YPEL2: variants seen among roughly 807,000 people sequenced by gnomAD.
YPEL2 encodes the protein protein yippee-like 2.
Under a neutral mutation model 19.1 loss-of-function variants are expected in YPEL2, and 2 were observed. The observed-to-expected ratio is 0.10, with a 90% CI of 0.04 to 0.33. YPEL2 has a LOEUF of 0.33. Ranked by LOEUF, YPEL2 falls within the 10% of genes least tolerant of loss-of-function variation. The probability of loss-of-function intolerance (pLI) is 1.00; values close to 1 mark genes in which losing one functional copy is unlikely to be tolerated. For missense variants in YPEL2, 66 were observed against 140.7 expected, an observed-to-expected ratio of 0.47 and a Z score of 2.68; for synonymous variants, 52 against 50.0, an observed-to-expected ratio of 1.04 and a Z score of -0.17.
chr17:59,368,514 G>A (rs1022621929), intron 2 of YPEL2, among the ~76,000 whole-genome samples: 1 of 152,240 alleles, frequency 6.6e-6, no homozygotes, highest in African/African-American at 2.4e-5. Context: ...GTAAAGAGCA[G>A]GATGAATGTT....
chr17:59,342,970 A>G (rs142687819), intron 1 of YPEL2, among the ~76,000 whole-genome samples: 85 of 152,326 alleles, frequency 5.6e-4, no homozygotes, highest in African/African-American at 2.0e-3. Context: ...AAGGGAGCAT[A>G]CACAGACTGT....
At chr17:59,333,462 T>C (rs2047682194) in intron 1 of YPEL2, among the ~76,000 whole-genome samples, 1 of 152,224 alleles carries the variant, frequency 6.6e-6, no homozygotes, top group Non-Finnish European at 1.5e-5. Context: ...ATAAACACCA[T>C]GCGCGAGAAA....
chr17:59,344,674 C>T (rs2047747411), intron 1 of YPEL2, among the ~76,000 whole-genome samples: 1 of 152,128 alleles, frequency 6.6e-6, no homozygotes, highest in Admixed American at 6.6e-5. Flanking sequence ...AGGAGAACTG[C>T]TTGAACCTGG....
intron 2 of YPEL2, among the ~76,000 whole-genome samples, chr17:59,384,009 C>T (rs935513640): frequency 2.0e-5 from 3 of 152,068 alleles, no homozygotes; most frequent in Non-Finnish European, 2.9e-5. Context: ...CATAGGCTTT[C>T]GTTTCACTTG....
intron 1 of YPEL2, among the ~76,000 whole-genome samples, chr17:59,346,056 T>C (rs1235977208): frequency 1.3e-5 from 2 of 152,186 alleles, no homozygotes; most frequent in Non-Finnish European, 2.9e-5. Context: ...TGCTCTAGGC[T>C]CAGGATTCTG....
chr17:59,386,835 G>C (rs2047982545), intron 2 of YPEL2, among the ~76,000 whole-genome samples: 1 of 152,188 alleles, frequency 6.6e-6, no homozygotes, highest in Non-Finnish European at 1.5e-5. Flanking sequence ...GAATTGGTTT[G>C]GGTCTGGGCA....
At chr17:59,340,307 CTA>C (rs1192463331) in intron 1 of YPEL2, among the ~76,000 whole-genome samples, 2 of 152,046 alleles carry the variant, frequency 1.3e-5, no homozygotes, top group Non-Finnish European at 2.9e-5. Flanking sequence ...CAGGGTTTCA[CTA>C]CGTTGGCCAG....
chr17:59,394,891 A>G (rs1446853211), intron 4 of YPEL2, among the ~76,000 whole-genome samples: 1 of 152,252 alleles, frequency 6.6e-6, no homozygotes, highest in Non-Finnish European at 1.5e-5. Flanking sequence ...GCTGGAGACC[A>G]GCCCGGCCAA....
Position 59,398,149 on chromosome 17 carries a change from A to G in YPEL2, c.*959A>G, listed in dbSNP as rs1392606175. On this transcript the variant is annotated 3_prime_UTR_variant, in exon 5 of 5. Transcript: ENST00000312655. ...AAAGTAGGATCAGTTAGCAATTCTA[A>G]CTGCCCTTCCTTCTGACCCCTCATA... The G allele has an allele frequency of 6.6e-6, 1 of 152,224 alleles. No homozygotes were observed. Among genetic ancestry groups the G allele is most frequent in the African/African-American group, 2.4e-5 (1 of 41,456 alleles). 9.4% of individuals were successfully genotyped at this position (152,224 alleles called of 1,614,324 possible).
At chr17:59,395,801 G>A (rs114640403) in intron 4 of YPEL2, among the ~76,000 whole-genome samples, 2,769 of 152,212 alleles carry the variant, frequency 0.018, 91 homozygotes, top group African/African-American at 0.062. Context: ...CCAGGCGTCC[G>A]GGCGCGGTGG....
In YPEL2 at chr17:59,345,590, A is replaced by G. The variant is rs1017448362; in HGVS notation, c.-195-7625A>G. ...GTCTGTGTTAGGAATGACAGCAATA[A>G]TATCAGGTCCCCAGCTAAGCCACAG... On this transcript the variant is annotated intron_variant, in intron 1 of 4. Coordinates refer to ENST00000312655, the MANE Select transcript of YPEL2 (RefSeq NM_001005404.4). 3.9e-5 allele frequency among the ~76,000 whole-genome samples: 6 copies of G among 152,266 alleles called. No homozygotes were observed. The South Asian group carries it at 6.2e-4, about 16-fold the overall frequency.
chr17:59,387,415 T>G (rs1229032730), intron 2 of YPEL2, among the ~76,000 whole-genome samples: 6 of 152,008 alleles, frequency 3.9e-5, no homozygotes, highest in Admixed American at 6.6e-5. Flanking sequence ...TAGCCACTCA[T>G]CTCCTTGTTT....
intron 1 of YPEL2, 74 bp downstream of exon 1, chr17:59,331,898 C>T (rs1057513933): frequency 1.3e-4 from 19 of 151,306 alleles, no homozygotes; most frequent in Non-Finnish European, 2.5e-4. Flanking sequence ...GGCTCTGGGT[C>T]CCCGGCCCCG....
chr17:59,360,863 A>G (rs2047837302), intron 2 of YPEL2, among the ~76,000 whole-genome samples: 1 of 151,662 alleles, frequency 6.6e-6, no homozygotes, highest in Admixed American at 6.6e-5. Context: ...ATAAAGTCTC[A>G]CTCTGTCACC....
At chr17:59,388,458 C>T (rs1328019857) in intron 3 of YPEL2, 88 bp downstream of exon 3, 2 of 1,335,234 alleles carry the variant, frequency 1.5e-6, no homozygotes, top group South Asian at 1.2e-5. Context: ...AAACAATGAA[C>T]CCTGCCCTGT....
At chr17:59,364,936 T>G (rs1432243701) in intron 2 of YPEL2, among the ~76,000 whole-genome samples, 3 of 152,214 alleles carry the variant, frequency 2.0e-5, no homozygotes, top group Non-Finnish European at 4.4e-5. Context: ...CCATCCGCCT[T>G]TGCGTCTTAA....
At chr17:59,391,866 C>T (rs1014963206) in intron 4 of YPEL2, among the ~76,000 whole-genome samples, 1 of 151,814 alleles carries the variant, frequency 6.6e-6, no homozygotes, top group Non-Finnish European at 1.5e-5. Flanking sequence ...TGCCATTGCA[C>T]TCCAGCCTGG....
intron 2 of YPEL2, among the ~76,000 whole-genome samples, chr17:59,363,527 C>CCT (rs2047852604): frequency 6.6e-6 from 1 of 152,030 alleles, no homozygotes; most frequent in South Asian, 2.1e-4. Flanking sequence ...AGGCTGCTCT[C>CCT]GAACTCCTGA....
chr17:59,356,532 C>G (rs1317624358), intron 2 of YPEL2, among the ~76,000 whole-genome samples: 1 of 152,196 alleles, frequency 6.6e-6, no homozygotes, highest in Non-Finnish European at 1.5e-5. Flanking sequence ...TCACAGCTTG[C>G]TTTAGATCCC....
Sources: allele counts gnomAD v4.1 joint callset (sites outside exome capture counted in the v4.1 genomes callset), GRCh38; gene constraint gnomAD v4.1.1; transcripts MANE v1.5; gene names NCBI Gene and HGNC (gene_info 2026-07-23, HGNC 2026-07-21).